Variants in CYP19A1 observed in about 807,000 individuals in gnomAD.
CYP19A1 encodes aromatase.
In CYP19A1, 32 loss-of-function variants were observed where a neutral mutation model predicts 44.4. The ratio of observed to expected loss-of-function variants is 0.72; its 90% confidence interval spans 0.54 to 0.97. CYP19A1 has a LOEUF of 0.97. Among genes scored for constraint, CYP19A1 ranks in the 50% least tolerant of loss-of-function variants. CYP19A1 has a pLI of 0.00. For missense variants in CYP19A1, 598 were observed against 637.8 expected, an observed-to-expected ratio of 0.94 and a Z score of 0.67; for synonymous variants, 212 against 215.6, an observed-to-expected ratio of 0.98 and a Z score of 0.14.
chr15:51,208,195 G>A lies in CYP19A1; in HGVS notation c.*2613C>T, dbSNP rs566422910. ...TGGCACATGCTTTTGTGGAACATTAGCATCATGAACAGTGAAAGGTGCTGC... is the reference window on the plus strand; with the variant it reads ...TGGCACATGCTTTTGTGGAACATTAACATCATGAACAGTGAAAGGTGCTGC... On this transcript the variant is annotated 3_prime_UTR_variant, in exon 10 of 10. Transcript: ENST00000396402. 6.6e-6 allele frequency: 1 copy of A among 152,252 alleles called. No homozygotes were observed. Among genetic ancestry groups the A allele is most frequent in the South Asian group, 2.1e-4 (1 of 4,822 alleles). 9.4% of individuals were successfully genotyped at this position (152,252 alleles called of 1,614,324 possible).
intron 1 of CYP19A1, among the ~76,000 whole-genome samples, chr15:51,269,487 C>CTT (rs937099126): frequency 2.0e-5 from 3 of 148,592 alleles, no homozygotes; most frequent in South Asian, 2.1e-4. Context: ...CAACTTGGTT[C>CTT]TTTTTTTTTT....
chr15:51,331,532 G>A (rs1370626485), intron 1 of CYP19A1, among the ~76,000 whole-genome samples: 2 of 152,172 alleles, frequency 1.3e-5, no homozygotes, highest in East Asian at 3.8e-4. Flanking sequence ...AGTATAGTTA[G>A]CATCTTTTTT....
In CYP19A1 at chr15:51,335,055, A is replaced by G. The variant is rs558797012; in HGVS notation, c.-39+3440T>C. On this transcript the variant is annotated intron_variant, in intron 1 of 9. Coordinates refer to ENST00000396402, the MANE Select transcript of CYP19A1 (RefSeq NM_000103.4). Reference sequence around the variant, plus strand: ...AATCCTGCTTCTCCTTCTTTCCTTCATAGGTGCTGATCCCTAATAACCATT... The same window carrying G: ...AATCCTGCTTCTCCTTCTTTCCTTCGTAGGTGCTGATCCCTAATAACCATT... Among the ~76,000 whole-genome samples, 3 of 151,950 alleles carry G rather than the reference A, an allele frequency of 2.0e-5. No individual in the cohort carries two copies. In the South Asian group the frequency reaches 6.2e-4, roughly 32 times the overall value.
intron 3 of CYP19A1, among the ~76,000 whole-genome samples, chr15:51,229,824 T>C (rs2032890439): frequency 6.6e-6 from 1 of 152,244 alleles, no homozygotes; most frequent in South Asian, 2.1e-4. Flanking sequence ...ACAAACACTA[T>C]TTTTCTGCTC....
intron 1 of CYP19A1, among the ~76,000 whole-genome samples, chr15:51,289,144 G>A (rs2035784088): frequency 6.6e-6 from 1 of 152,162 alleles, no homozygotes. Context: ...GGAATTGTTT[G>A]AGACAATCCT....
At chr15:51,338,006 T>C (rs1394982991) in intron 1 of CYP19A1, 2 of 152,144 alleles carry the variant, frequency 1.3e-5, no homozygotes, top group Non-Finnish European at 2.9e-5. Context: ...GCCCACGGGG[T>C]GGCCATGCTA....
At chr15:51,214,306 G>C (rs2141039674) in intron 8 of CYP19A1, among the ~76,000 whole-genome samples, 1 of 152,322 alleles carries the variant, frequency 6.6e-6, no homozygotes, top group East Asian at 1.9e-4. Context: ...CCTTGTTTCT[G>C]TAGAAGAGTG....
rs551590351 is a variant in CYP19A1 at position 51,209,546 on chromosome 15, T to G, written c.*1262A>C. 7 of 152,580 alleles carry G rather than the reference T, an allele frequency of 4.6e-5. No homozygotes were observed. The highest frequency in any genetic ancestry group is 8.8e-5 in the Non-Finnish European group (6 of 68,026). 9.5% of individuals were successfully genotyped at this position (152,580 alleles called of 1,614,324 possible). A position where few individuals can be genotyped will look rare whatever the true frequency, so the allele number is the denominator to read the frequency against. On this transcript the variant is annotated 3_prime_UTR_variant, in exon 10 of 10. Transcript: ENST00000396402. ...AGTAGAGATAGTTATATTGGCTATA[T>G]AACACAAGTAAAGTGGTGTTTGGAA...
At chr15:51,220,138 G>A (rs1364572536) in intron 5 of CYP19A1, among the ~76,000 whole-genome samples, 1 of 152,174 alleles carries the variant, frequency 6.6e-6, no homozygotes, top group Non-Finnish European at 1.5e-5. Flanking sequence ...TCCTCCGCCT[G>A]GAGTGTTCTT....
chr15:51,268,454 C>T (rs1435828712), intron 1 of CYP19A1, among the ~76,000 whole-genome samples: 1 of 151,976 alleles, frequency 6.6e-6, no homozygotes, highest in African/African-American at 2.4e-5. Context: ...CTGAGCAGTA[C>T]TCAATTGCAT....
intron 1 of CYP19A1, among the ~76,000 whole-genome samples, chr15:51,287,479 C>T (rs931008179): frequency 9.9e-5 from 15 of 152,170 alleles, no homozygotes; most frequent in African/African-American, 3.4e-4. Flanking sequence ...CTACAAGTGC[C>T]ACTTCTGAAG....
intron 1 of CYP19A1, among the ~76,000 whole-genome samples, chr15:51,265,415 G>T (rs2034879666): frequency 6.6e-6 from 1 of 152,192 alleles, no homozygotes; most frequent in Non-Finnish European, 1.5e-5. Context: ...GGCAAGGATT[G>T]GCCACAATAT....
intron 1 of CYP19A1, among the ~76,000 whole-genome samples, chr15:51,263,698 G>A (rs560051041): frequency 1.9e-4 from 29 of 152,324 alleles, no homozygotes; most frequent in African/African-American, 7.0e-4. Flanking sequence ...GTGATGAAAG[G>A]AGAGGACAGG....
Position 51,314,545 on chromosome 15 carries a change from A to C in CYP19A1, c.-39+23950T>G, listed in dbSNP as rs527655846. Among the ~76,000 whole-genome samples the C allele has an allele frequency of 7.4e-4, 113 of 152,308 alleles. 1 individual carries two copies. Among genetic ancestry groups the C allele is most frequent in the Admixed American group, 7.4e-3 (113 of 15,298 alleles). ...TTTTAGTAACACCCCCTGGAGAATC[A>C]GTTCTTTGGGACTCTCCCAAGAAAA... On this transcript the variant is annotated intron_variant, in intron 1 of 9. Coordinates refer to ENST00000396402, the MANE Select transcript of CYP19A1 (RefSeq NM_000103.4).
At chr15:51,330,129 G>A (rs1232563714) in intron 1 of CYP19A1, among the ~76,000 whole-genome samples, 2 of 152,182 alleles carry the variant, frequency 1.3e-5, no homozygotes, top group Admixed American at 6.5e-5. Context: ...AAGAAGGAAC[G>A]TGAGGCACAA....
intron 6 of CYP19A1, among the ~76,000 whole-genome samples, chr15:51,218,178 T>C (rs1306460840): frequency 6.6e-6 from 1 of 152,238 alleles, no homozygotes; most frequent in Non-Finnish European, 1.5e-5. Context: ...AAATTGATTC[T>C]GTAGTTCCAG....
intron 4 of CYP19A1, among the ~76,000 whole-genome samples, chr15:51,223,865 G>A (rs2032347626): frequency 6.6e-6 from 1 of 152,162 alleles, no homozygotes; most frequent in African/African-American, 2.4e-5. Flanking sequence ...AACCCTTTGT[G>A]TGGAAGGGTT....
intron 1 of CYP19A1, chr15:51,324,006 A>G (rs2036569734): frequency 6.6e-6 from 1 of 152,240 alleles, no homozygotes; most frequent in South Asian, 2.1e-4. Flanking sequence ...GGTTAAAATC[A>G]GGGGACCTGG....
At position 51,213,864 on chromosome 15, in the gene CYP19A1, G is replaced by C. The variant is rs117096861; in HGVS notation, c.1021+1206C>G. ...GTGAGTGCAGGGGTGGTGTTGGCTT[G>C]TTCAAGGCTGTAGCCCTGCACCTGG... On this transcript the variant is annotated intron_variant, in intron 8 of 9. Transcript: ENST00000396402. Among the ~76,000 whole-genome samples the C allele has an allele frequency of 4.3e-3, 652 of 152,258 alleles. 3 individuals are homozygous for C. Among genetic ancestry groups the C allele is most frequent in the Non-Finnish European group, 7.7e-3 (523 of 68,034 alleles).
Sources: allele counts gnomAD v4.1 joint callset (sites outside exome capture counted in the v4.1 genomes callset), GRCh38; gene constraint gnomAD v4.1.1; transcripts MANE v1.5; gene names NCBI Gene and HGNC (gene_info 2026-07-23, HGNC 2026-07-21).